DISP1: variants seen among roughly 807,000 people sequenced by gnomAD.
The protein encoded by DISP1 is protein dispatched homolog 1.
Under a neutral mutation model 37.3 loss-of-function variants are expected in DISP1, and 30 were observed. The ratio of observed to expected loss-of-function variants is 0.80; its 90% CI spans 0.60 to 1.09. The LOEUF (loss-of-function observed/expected upper bound fraction) is 1.09, where lower values mean the gene tolerates loss of function less well. DISP1 is among the 50% of genes least tolerant of loss of function. DISP1 has a pLI of 0.00. For synonymous variants in DISP1, 634 were observed against 690.2 expected, an observed-to-expected ratio of 0.92 and a Z score of 1.28; for missense variants, 1,598 against 1,879.5, an observed-to-expected ratio of 0.85 and a Z score of 2.77.
intron 1 of DISP1, among the ~76,000 whole-genome samples, chr1:222,852,260 T>C (rs1227833900): frequency 6.6e-6 from 1 of 151,938 alleles, no homozygotes; most frequent in Non-Finnish European, 1.5e-5. Flanking sequence ...TTTAAAGCCT[T>C]CCATAACAAA....
At position 223,005,950 on chromosome 1, in the gene DISP1, G is replaced by C. The variant is rs758857129; in HGVS notation, c.4553G>C (p.Ser1518Thr). 1 of 1,613,802 alleles carries C rather than the reference G, an allele frequency of 6.2e-7. No homozygotes were observed. The highest frequency in any genetic ancestry group is 1.1e-5 in the South Asian group (1 of 91,064). Residue 1518 changes from serine (S) to threonine (T), a missense_variant, in exon 9 of 9, where the codon AGT becomes ACT. By Grantham distance (58) the Ser-to-Thr change is moderately conservative. Transcript: ENST00000675850. ...VLTHSELSGE[S>T]LLIKTL ...ACACACTCGGAACTTTCTGGTGAAA[G>C]TTTGTTAATAAAAACACTATAATAA...
chr1:222,847,457 C>A (rs1213694370), intron 1 of DISP1, among the ~76,000 whole-genome samples: 2 of 152,120 alleles, frequency 1.3e-5, no homozygotes, highest in East Asian at 3.8e-4. Flanking sequence ...GTTGTATTTA[C>A]ACATATAAAA....
chr1:222,934,064 A>G (rs943569406), intron 2 of DISP1, among the ~76,000 whole-genome samples: 6 of 151,972 alleles, frequency 3.9e-5, no homozygotes, highest in Non-Finnish European at 8.8e-5. Context: ...ACCTTTTAAA[A>G]CTATCTTGGG....
chr1:222,988,418 G>T (rs1004937671), intron 4 of DISP1, among the ~76,000 whole-genome samples: 20 of 152,128 alleles, frequency 1.3e-4, no homozygotes, highest in African/African-American at 4.8e-4. Flanking sequence ...TTGTGACATT[G>T]AATAAGTTCT....
chr1:222,936,793 T>A (rs1673821808), intron 2 of DISP1, among the ~76,000 whole-genome samples: 1 of 73,626 alleles, frequency 1.4e-5, no homozygotes, highest in Non-Finnish European at 2.4e-5. Flanking sequence ...ATAATATATA[T>A]AATATATTAT....
rs150995979 is a variant in DISP1, at chr1:222,862,339, T to G, written c.-159+47261T>G. Among the ~76,000 whole-genome samples the G allele has an allele frequency of 4.2e-3, 644 of 152,286 alleles. 14 individuals carry two copies. The highest frequency in any genetic ancestry group is 0.019 in the Admixed American group (285 of 15,300). On this transcript the variant is annotated intron_variant, in intron 1 of 8. Coordinates refer to ENST00000675850, the MANE Select transcript of DISP1 (RefSeq NM_001377229.1). ...TTTCTCGGAGTCATTTGAGAATCAG[T>G]TGTTGCCATTACACCCTTTTACTCC...
intron 1 of DISP1, among the ~76,000 whole-genome samples, chr1:222,861,888 C>G (rs979255298): frequency 1.3e-5 from 2 of 152,100 alleles, no homozygotes; most frequent in Admixed American, 1.3e-4. Context: ...TATTGTATAA[C>G]TTCTCGTACA....
chr1:222,919,107 T>G (rs1174149580), intron 1 of DISP1, among the ~76,000 whole-genome samples: 2 of 152,202 alleles, frequency 1.3e-5, no homozygotes, highest in African/African-American at 4.8e-5. Context: ...ATGTGAAGAC[T>G]GAACGAACCA....
At chr1:222,933,594 C>T (rs529797347) in intron 2 of DISP1, among the ~76,000 whole-genome samples, 2 of 151,818 alleles carry the variant, frequency 1.3e-5, no homozygotes, top group Non-Finnish European at 2.9e-5. Context: ...ATGTTTGTTT[C>T]TTTGGGAAAA....
chr1:222,825,964 A>AGATCATAGCCCACTACAGCCTT (rs1664278930), intron 1 of DISP1, among the ~76,000 whole-genome samples: 1 of 151,700 alleles, frequency 6.6e-6, no homozygotes. Context: ...TGCAGTGGTG[A>AGATCATAGCCCACTACAGCCTT]GATCATAGCC....
chr1:222,874,387 T>G (rs190774674), intron 1 of DISP1, among the ~76,000 whole-genome samples: 39 of 152,068 alleles, frequency 2.6e-4, no homozygotes, highest in African/African-American at 9.2e-4. Flanking sequence ...CTTGGTTCCA[T>G]TCTCCCCATC....
In DISP1 at chr1:223,004,377, G is replaced by A; in HGVS notation, c.2980G>A (p.Val994Ile). The A allele has an allele frequency of 6.2e-7, 1 of 1,614,198 alleles. No individual in the cohort carries two copies. The highest frequency in any genetic ancestry group is 8.5e-7 in the Non-Finnish European group (1 of 1,180,030). The change falls in exon 9 of 9, where the codon GTT (valine) becomes ATT (isoleucine). Residue 994 changes from valine to isoleucine, a missense_variant. Val to Ile is a conservative substitution (Grantham distance 29, BLOSUM62 3). Coordinates refer to ENST00000675850, the MANE Select transcript of DISP1 (RefSeq NM_001377229.1). The surrounding 1 kb of genome is among the most constrained non-coding windows in gnomAD (Gnocchi z 4.9). ...TLIAMGLSVAVAFSVMLLTTW... is the reference protein window; with the variant it reads ...TLIAMGLSVAIAFSVMLLTTW... ...CATTGCCATGGGGCTGTCAGTTGCTGTTGCATTTAGCGTGATGCTGCTGAC... is the reference window on the plus strand; with the variant it reads ...CATTGCCATGGGGCTGTCAGTTGCTATTGCATTTAGCGTGATGCTGCTGAC...
chr1:222,967,544 A>G (rs887049978), intron 3 of DISP1, among the ~76,000 whole-genome samples: 1 of 152,180 alleles, frequency 6.6e-6, no homozygotes, highest in Non-Finnish European at 1.5e-5. Context: ...TAAGTTTTCC[A>G]TATGAAAGAG....
Position 222,936,820 on chromosome 1 carries a change from TAA to T in DISP1, c.-17-5986_-17-5985del, listed in dbSNP as rs1437340063. The stretch of plus-strand genomic sequence containing the variant: ...ATATATTATATATATAAATTATATA[TAA>T]TATATATAAATTATATATATCATAT... On this transcript the variant is annotated intron_variant, in intron 2 of 8. Transcript: ENST00000675850. 5.2e-5 allele frequency among the ~76,000 whole-genome samples: 3 copies of T among 57,882 alleles called. 1 individual carries two copies. The highest frequency in any genetic ancestry group is 8.9e-5 in the Non-Finnish European group (3 of 33,636). The allele number at this position is 57,882 out of a possible 152,430, so 38.0% of individuals were successfully genotyped here.
intron 1 of DISP1, among the ~76,000 whole-genome samples, chr1:222,816,072 AATATATATATAT>A (rs68057775): frequency 2.8e-4 from 41 of 144,124 alleles, no homozygotes; most frequent in African/African-American, 6.8e-4. Flanking sequence ...GCTGTAAGGA[AATATATATATAT>A]ATATATATAT....
intron 1 of DISP1, among the ~76,000 whole-genome samples, chr1:222,838,403 T>A (rs61839600): frequency 0.11 from 17,151 of 152,176 alleles, 1,279 homozygotes; most frequent in South Asian, 0.16. Context: ...ATTTTTACTT[T>A]TCTAGTGTCT....
At chr1:222,852,722 A>G (rs572427493) in intron 1 of DISP1, among the ~76,000 whole-genome samples, 36 of 152,326 alleles carry the variant, frequency 2.4e-4, no homozygotes, top group African/African-American at 7.9e-4. Flanking sequence ...TAAAATACCA[A>G]TTTTTAAGAC....
Position 222,997,391 on chromosome 1 carries a change from C to T in DISP1, c.987+2409C>T, listed in dbSNP as rs1228897152. On this transcript the variant is annotated intron_variant, in intron 8 of 8. Transcript: ENST00000675850. Reference sequence around the variant, plus strand: ...TTTTTTAGAAGCCCAGCTTTTCCTCCTGCTAAGACGGGAGGAGACAGTTCC... The same window carrying T: ...TTTTTTAGAAGCCCAGCTTTTCCTCTTGCTAAGACGGGAGGAGACAGTTCC... Among the ~76,000 whole-genome samples the T allele has an allele frequency of 2.0e-5, 3 of 152,088 alleles. No homozygotes were observed. In the East Asian group the frequency reaches 5.8e-4, roughly 29 times the overall value.
chr1:222,947,945 C>T (rs1055266491), intron 3 of DISP1, among the ~76,000 whole-genome samples: 2 of 152,084 alleles, frequency 1.3e-5, no homozygotes, highest in African/African-American at 4.8e-5. Context: ...TAAATTCATT[C>T]TAGAGAGATT....
Sources: gnomAD v4.1 joint callset for allele counts (sites outside exome capture counted in the v4.1 genomes callset) on GRCh38, gnomAD v4.1.1 for gene constraint, Gnocchi (gnomAD v3.1) non-coding constraint, MANE v1.5 for transcripts, NCBI Gene and HGNC (gene_info 2026-07-23, HGNC 2026-07-21) for gene names.